MAEL: variants seen among roughly 807,000 people sequenced by gnomAD.
The protein encoded by MAEL is maelstrom spermatogenic transposon silencer.
Under a neutral mutation model 62.0 loss-of-function variants are expected in MAEL, and 46 were observed. The observed-to-expected ratio is 0.74, with a 90% CI of 0.59 to 0.95. The LOEUF (loss-of-function observed/expected upper bound fraction) is 0.95, where lower values mean the gene tolerates loss of function less well. MAEL is among the 40% of genes least tolerant of loss of function. MAEL has a pLI of 0.00. For missense variants in MAEL, 497 were observed against 526.8 expected, an observed-to-expected ratio of 0.94 and a Z score of 0.55; for synonymous variants, 172 against 175.5, an observed-to-expected ratio of 0.98 and a Z score of 0.16.
rs1485167601 is a variant in MAEL at position 167,017,950 on chromosome 1, G to A, written c.1032G>A (p.Gly344=). 1.9e-6 allele frequency: 3 copies of A among 1,612,954 alleles called. No homozygotes were observed. The highest frequency in any genetic ancestry group is 2.7e-5 in the African/African-American group (2 of 74,976). Residue 344 remains glycine (G), a synonymous_variant, in exon 10 of 12, where the codon GGG becomes GGA. Transcript: ENST00000367872. ...VTPKMVVLDA[G]RYQKLRVGSS... is the part of the protein sequence containing the mutation. Reference sequence around the variant, plus strand: ...CCAAAATGGTTGTATTGGATGCAGGGCGTTACCAGGTAAGGAACTGACTTT... The same window carrying A: ...CCAAAATGGTTGTATTGGATGCAGGACGTTACCAGGTAAGGAACTGACTTT...
At chr1:167,020,373 G>A (rs762938459) in intron 10 of MAEL, among the ~76,000 whole-genome samples, 41 of 152,020 alleles carry the variant, frequency 2.7e-4, no homozygotes, top group Non-Finnish European at 4.9e-4. Context: ...CTCCTCCTAT[G>A]CCTGTGACAC....
intron 10 of MAEL, among the ~76,000 whole-genome samples, chr1:167,020,243 C>T (rs1353484321): frequency 1.3e-5 from 2 of 152,170 alleles, no homozygotes; most frequent in Non-Finnish European, 2.9e-5. Context: ...TCCTTCCCAA[C>T]TCAGATTCCT....
At chr1:166,982,441 T>C (rs1663785643) in intron 1 of MAEL, among the ~76,000 whole-genome samples, 1 of 152,028 alleles carries the variant, frequency 6.6e-6, no homozygotes, top group Non-Finnish European at 1.5e-5. Context: ...CCTTGTGGAG[T>C]GTTTAGCAGA....
intron 5 of MAEL, among the ~76,000 whole-genome samples, chr1:166,994,406 A>G (rs1008935234): frequency 6.6e-6 from 1 of 152,132 alleles, no homozygotes; most frequent in African/African-American, 2.4e-5. Flanking sequence ...ATCCATTTCA[A>G]TTGTGTTTTA....
intron 3 of MAEL, among the ~76,000 whole-genome samples, chr1:166,992,293 C>A (rs1365707069): frequency 6.6e-6 from 1 of 152,104 alleles, no homozygotes; most frequent in Non-Finnish European, 1.5e-5. Context: ...CTGAATTGTT[C>A]ATAGTTTATA....
intron 10 of MAEL, 147 bp from the exon 11 acceptor site, chr1:167,020,938 C>T: frequency 1.4e-6 from 1 of 691,680 alleles, no homozygotes; most frequent in Non-Finnish European, 2.5e-6. Flanking sequence ...TTTTCTCCCC[C>T]TTTGCAGCAA....
At chr1:166,989,508 G>A (rs1187084149) in intron 1 of MAEL, 24 bp downstream of exon 1, 1 of 1,575,864 alleles carries the variant, frequency 6.3e-7, no homozygotes, top group Admixed American at 1.9e-5. Flanking sequence ...GGAGTGAGAG[G>A]GCTGGGCAGG....
chr1:166,988,030 G>A (rs141829313), upstream of MAEL, among the ~76,000 whole-genome samples: 57 of 152,226 alleles, frequency 3.7e-4, 1 homozygote, highest in East Asian at 9.5e-3. Flanking sequence ...AGGCTGCATC[G>A]TTAGAAAACT....
intron 10 of MAEL, among the ~76,000 whole-genome samples, chr1:167,020,861 CT>C (rs199538524): frequency 2.5e-3 from 386 of 151,818 alleles, no homozygotes; most frequent in African/African-American, 8.8e-3. Context: ...TATAATCTCA[CT>C]TTTAAAAAAA....
intron 5 of MAEL, among the ~76,000 whole-genome samples, chr1:166,997,349 G>A (rs73026781): frequency 0.056 from 8,528 of 152,142 alleles, 472 homozygotes; most frequent in African/African-American, 0.15. Flanking sequence ...CCTTTCCTGT[G>A]TTTTTTAACT....
chr1:167,004,065 A>G (rs1169016130), intron 5 of MAEL, 115 bp from the exon 6 acceptor site: 14 of 843,914 alleles, frequency 1.7e-5, no homozygotes, highest in Non-Finnish European at 2.2e-5. Context: ...GGGGCTTTGT[A>G]CAAGTACTTA....
chr1:166,992,963 C>G, intron 4 of MAEL, 122 bp downstream of exon 4: 3 of 809,764 alleles, frequency 3.7e-6, no homozygotes, highest in Non-Finnish European at 5.4e-6. Context: ...CTTAATGTAA[C>G]AAGACTTCAT....
chr1:166,987,508 A>G (rs1037405159), upstream of MAEL, among the ~76,000 whole-genome samples: 1 of 152,136 alleles, frequency 6.6e-6, no homozygotes, highest in Non-Finnish European at 1.5e-5. Flanking sequence ...GTGGATATAT[A>G]TTTTCATTTT....
At position 167,007,562 on chromosome 1, in the gene MAEL, TG is replaced by T. The variant is rs1209579206; in HGVS notation, c.845+2166del. ...GAGAGCTAGGAAATATATGTTTGTG[TG>T]TGTGTGTGTGTGTGTGTGTGTGTGT... On this transcript the variant is annotated intron_variant, in intron 8 of 11. Coordinates refer to ENST00000367872, the MANE Select transcript of MAEL (RefSeq NM_032858.3). 3.1e-5 allele frequency among the ~76,000 whole-genome samples: 3 copies of T among 97,988 alleles called. No homozygotes were observed. In the East Asian group the frequency reaches 9.5e-4, roughly 31 times the overall value. The allele number at this position is 97,988 out of a possible 152,430, so 64.3% of individuals were successfully genotyped here.
intron 1 of MAEL, among the ~76,000 whole-genome samples, chr1:166,979,173 T>TA (rs1185260720): frequency 6.6e-6 from 1 of 152,188 alleles, no homozygotes; most frequent in East Asian, 1.9e-4. Context: ...AGCACACAGA[T>TA]AAAATCATAT....
chr1:166,999,860 C>T (rs1164422801), intron 5 of MAEL, among the ~76,000 whole-genome samples: 1 of 152,126 alleles, frequency 6.6e-6, no homozygotes, highest in Non-Finnish European at 1.5e-5. Flanking sequence ...TAAATTGACT[C>T]TGCTTGTGCT....
chr1:166,998,803 C>T (rs568709613), intron 5 of MAEL, among the ~76,000 whole-genome samples: 4 of 152,212 alleles, frequency 2.6e-5, no homozygotes, highest in Admixed American at 2.6e-4. Flanking sequence ...CATCATTTTT[C>T]CAGTGGCATG....
chr1:166,990,060 G>A (rs565207441), intron 2 of MAEL: 8 of 480,374 alleles, frequency 1.7e-5, no homozygotes, highest in East Asian at 1.1e-4. Context: ...AAGGCCTGGG[G>A]AATTCCTGTT....
intron 5 of MAEL, among the ~76,000 whole-genome samples, chr1:166,998,242 T>C (rs1664511919): frequency 1.3e-5 from 2 of 152,236 alleles, no homozygotes; most frequent in Admixed American, 1.3e-4. Flanking sequence ...ATTGAATCTT[T>C]ATATTTGTAA....
Sources: allele counts gnomAD v4.1 joint callset (sites outside exome capture counted in the v4.1 genomes callset), GRCh38; gene constraint gnomAD v4.1.1; transcripts MANE v1.5; gene names NCBI Gene and HGNC (gene_info 2026-07-23, HGNC 2026-07-21).